Variants in CFDP1 observed in about 807,000 individuals in gnomAD.
CFDP1 encodes heterochromatin-stabilizing protein CFDP1.
In CFDP1, 31 loss-of-function variants were observed where a neutral mutation model predicts 40.1. That is an observed-to-expected ratio of 0.77 (90% confidence interval 0.58 to 1.04). The LOEUF (loss-of-function observed/expected upper bound fraction) is 1.04, where lower values mean the gene tolerates loss of function less well. Ranked by LOEUF, CFDP1 falls within the 50% of genes least tolerant of loss-of-function variation. The probability of loss-of-function intolerance (pLI) is 0.00; values close to 1 mark genes in which losing one functional copy is unlikely to be tolerated. For synonymous variants in CFDP1, 167 were observed against 120.0 expected (o/e 1.39, Z -2.56); for missense variants, 423 against 343.4 (o/e 1.23, Z -1.83).
At chr16:75,427,201 G>A (rs555733401) in intron 1 of CFDP1, among the ~76,000 whole-genome samples, 1 of 152,164 alleles carries the variant, frequency 6.6e-6, no homozygotes, top group East Asian at 1.9e-4. Context: ...AACATGAAAA[G>A]AGCATCAACA....
At chr16:75,383,586 CGA>C (rs1187290149) in intron 5 of CFDP1, among the ~76,000 whole-genome samples, 1 of 151,924 alleles carries the variant, frequency 6.6e-6, no homozygotes, top group Non-Finnish European at 1.5e-5. Flanking sequence ...TTTGGGAGGC[CGA>C]GGTGGGCGGA....
intron 4 of CFDP1, chr16:75,406,743 G>A (rs900049662): frequency 6.6e-6 from 1 of 151,948 alleles, no homozygotes; most frequent in East Asian, 1.9e-4. Context: ...TAAACAAATA[G>A]GCCAGGCATG....
chr16:75,319,467 T>C lies in CFDP1; in HGVS notation c.651-14285A>G, dbSNP rs548803298. On this transcript the variant is annotated intron_variant, in intron 5 of 6. Transcript: ENST00000283882. Reference sequence around the variant, plus strand: ...TGGGGTTGGGGGGGAACGTGCTTTATGGTCGTTGCATTACACGAGACTGAA... The same window carrying C: ...TGGGGTTGGGGGGGAACGTGCTTTACGGTCGTTGCATTACACGAGACTGAA... Among the ~76,000 whole-genome samples the C allele has an allele frequency of 3.3e-5, 5 of 152,290 alleles. No homozygotes were observed. The South Asian group carries it at 1.0e-3, about 32-fold the overall frequency.
At chr16:75,365,514 T>C (rs2078707405) in intron 5 of CFDP1, among the ~76,000 whole-genome samples, 1 of 152,176 alleles carries the variant, frequency 6.6e-6, no homozygotes, top group Non-Finnish European at 1.5e-5. Context: ...GTACTAAGTC[T>C]GGCTGTCAGA....
At chr16:75,313,116 C>A (rs1177202840) in intron 5 of CFDP1, among the ~76,000 whole-genome samples, 4 of 152,176 alleles carry the variant, frequency 2.6e-5, no homozygotes, top group Non-Finnish European at 5.9e-5. Context: ...TCTCTTGCCA[C>A]AAAGAGTAAC....
At chr16:75,320,429 G>T (rs754054784) in intron 5 of CFDP1, among the ~76,000 whole-genome samples, 12 of 133,270 alleles carry the variant, frequency 9.0e-5, no homozygotes, top group Non-Finnish European at 1.6e-4. Flanking sequence ...CAGATTGTTT[G>T]AAGGAAAACT....
chr16:75,336,566 G>A (rs1024586808), intron 5 of CFDP1, among the ~76,000 whole-genome samples: 1 of 152,196 alleles, frequency 6.6e-6, no homozygotes, highest in Non-Finnish European at 1.5e-5. Flanking sequence ...TTAAATGGCT[G>A]TATGCCCCTT....
intron 4 of CFDP1, chr16:75,409,375 G>T (rs544778852): frequency 1.3e-5 from 2 of 152,150 alleles, no homozygotes; most frequent in Non-Finnish European, 2.9e-5. Context: ...GAAGGGGCAG[G>T]TGGCCCCAGT....
At position 75,327,175 on chromosome 16, in the gene CFDP1, G is replaced by A. The variant is rs998422574; in HGVS notation, c.651-21993C>T. 3.9e-5 allele frequency among the ~76,000 whole-genome samples: 6 copies of A among 152,306 alleles called. No individual in the cohort carries two copies. In the East Asian group the frequency reaches 7.7e-4, roughly 20 times the overall value. On this transcript the variant is annotated intron_variant, in intron 5 of 6. Coordinates refer to ENST00000283882, the MANE Select transcript of CFDP1 (RefSeq NM_006324.3). Reference sequence around the variant, plus strand: ...CCAGCTATTCGGGAGGCTGAGGCAGGAGAATAGCGTGAACCCGGGAGGCAG... The same window carrying A: ...CCAGCTATTCGGGAGGCTGAGGCAGAAGAATAGCGTGAACCCGGGAGGCAG...
intron 6 of CFDP1, among the ~76,000 whole-genome samples, chr16:75,294,489 C>T (rs998038547): frequency 6.6e-6 from 1 of 152,012 alleles, no homozygotes; most frequent in East Asian, 1.9e-4. Flanking sequence ...AGCTAGGCCT[C>T]CTGCATACAT....
At chr16:75,311,764 T>C (rs982963392) in intron 5 of CFDP1, among the ~76,000 whole-genome samples, 1 of 130,034 alleles carries the variant, frequency 7.7e-6, no homozygotes, top group Non-Finnish European at 1.6e-5. Flanking sequence ...GGAATGGACC[T>C]TTACAATTTT....
At chr16:75,405,703 T>C (rs1342750705) in intron 4 of CFDP1, among the ~76,000 whole-genome samples, 2 of 151,038 alleles carry the variant, frequency 1.3e-5, no homozygotes, top group Non-Finnish European at 2.9e-5. Context: ...TGAGCTGAGA[T>C]TGTGTCATTG....
intron 6 of CFDP1, among the ~76,000 whole-genome samples, chr16:75,303,899 G>T (rs144130994): frequency 6.6e-6 from 1 of 152,160 alleles, no homozygotes; most frequent in African/African-American, 2.4e-5. Flanking sequence ...CAGAGCTGCC[G>T]AGCAGCCAGG....
chr16:75,343,307 T>C (rs1052400896), intron 5 of CFDP1, among the ~76,000 whole-genome samples: 1 of 152,124 alleles, frequency 6.6e-6, no homozygotes, highest in Non-Finnish European at 1.5e-5. Context: ...TCTCCGCACA[T>C]GCATGTTCTC....
intron 1 of CFDP1, among the ~76,000 whole-genome samples, chr16:75,417,239 G>A (rs1484872511): frequency 6.6e-6 from 1 of 152,080 alleles, no homozygotes; most frequent in African/African-American, 2.4e-5. Flanking sequence ...TTTTTATCCA[G>A]CAGTCCCACT....
chr16:75,336,600 CAA>C (rs2078489345), intron 5 of CFDP1, among the ~76,000 whole-genome samples: 1 of 152,192 alleles, frequency 6.6e-6, no homozygotes, highest in Non-Finnish European at 1.5e-5. Flanking sequence ...CTAGCTTTTT[CAA>C]TTATCTACCA....
chr16:75,399,056 CAAAAAAAAAAA>C (rs58692180), intron 4 of CFDP1, among the ~76,000 whole-genome samples: 4 of 98,066 alleles, frequency 4.1e-5, no homozygotes, highest in South Asian at 3.4e-4. Context: ...GACTCCGTCT[CAAAAAAAAAAA>C]AAAAAAAAAA....
Position 75,346,613 on chromosome 16 carries a change from A to G in CFDP1, c.651-41431T>C, listed in dbSNP as rs2078567653. Among the ~76,000 whole-genome samples, 7 of 130,090 alleles carry G rather than the reference A, an allele frequency of 5.4e-5. No homozygotes were observed. The Admixed American group carries it at 5.6e-4, about 10-fold the overall frequency. The allele number at this position is 130,090 out of a possible 152,430, so 85.3% of individuals were successfully genotyped here. A position where few individuals can be genotyped will look rare whatever the true frequency, so the allele number is the denominator to read the frequency against. On this transcript the variant is annotated intron_variant, in intron 5 of 6. Transcript: ENST00000283882. ...AAAAAAAAAAAAAAAAAAAAAAAAA[A>G]AAGAGTACCAGGTGGACAGGATGAA...
Position 75,412,737 on chromosome 16 carries a change from C to A in CFDP1, c.200G>T (p.Gly67Val). Residue 67 changes from glycine to valine, a missense_variant, in exon 3 of 7, where the codon GGC becomes GTC. By Grantham distance (109) the Gly-to-Val change is moderately radical. Coordinates refer to ENST00000283882, the MANE Select transcript of CFDP1 (RefSeq NM_006324.3). ...SIPARKRRQG[G>V]LSLEEEEEED... is the part of the protein sequence containing the mutation. Reference sequence around the variant, plus strand: ...CTCTTCCTCTTCTTCTAATGAGAGGCCACCTTGTCTTCTCTTCCTAATCAC... The same window carrying A: ...CTCTTCCTCTTCTTCTAATGAGAGGACACCTTGTCTTCTCTTCCTAATCAC... 2 of 1,612,838 alleles carry A rather than the reference C, an allele frequency of 1.2e-6. No individual in the cohort carries two copies. The highest frequency in any genetic ancestry group is 1.7e-6 in the Non-Finnish European group (2 of 1,179,400).
Sources: gnomAD v4.1 joint callset for allele counts (sites outside exome capture counted in the v4.1 genomes callset) on GRCh38, gnomAD v4.1.1 for gene constraint, MANE v1.5 for transcripts, NCBI Gene and HGNC (gene_info 2026-07-23, HGNC 2026-07-21) for gene names.